Variants in NR5A2 observed in about 807,000 individuals in gnomAD.
The protein encoded by NR5A2 is CYP7A promoter-binding factor.
A neutral mutation model predicts 62.7 loss-of-function variants in NR5A2; 26 were observed. The observed-to-expected ratio is 0.41, with a 90% CI of 0.30 to 0.58. The LOEUF (loss-of-function observed/expected upper bound fraction) is 0.58. Ranked by LOEUF, NR5A2 falls within the 20% of genes least tolerant of loss-of-function variation. The pLI is 0.22. For missense variants in NR5A2, 541 were observed against 669.1 expected (o/e 0.81, Z 2.11); for synonymous variants, 246 against 241.7 (o/e 1.02, Z -0.16).
intron 5 of NR5A2, among the ~76,000 whole-genome samples, chr1:200,108,025 C>T (rs188872026): frequency 2.1e-3 from 314 of 151,926 alleles, no homozygotes; most frequent in African/African-American, 7.3e-3. Context: ...AGGACAGGAA[C>T]CATCAAATGC....
chr1:200,127,804 T>A (rs562557838), intron 7 of NR5A2, among the ~76,000 whole-genome samples: 1 of 145,348 alleles, frequency 6.9e-6, no homozygotes, highest in Non-Finnish European at 1.5e-5. Context: ...ACAGGGTAGA[T>A]GGCAGGACTT....
intron 6 of NR5A2, among the ~76,000 whole-genome samples, chr1:200,116,039 G>C (rs973875500): frequency 5.3e-5 from 8 of 152,002 alleles, no homozygotes; most frequent in Non-Finnish European, 1.0e-4. Flanking sequence ...CAACTGCCCT[G>C]TTGAGAAAAT....
At chr1:200,043,998 C>CT in intron 3 of NR5A2, 106 bp downstream of exon 3, 2 of 681,606 alleles carry the variant, frequency 2.9e-6, no homozygotes, top group East Asian at 5.4e-5. Flanking sequence ...AAAGACTCAA[C>CT]TAAAAATGAG....
At chr1:200,073,041 C>G (rs913529230) in intron 5 of NR5A2, among the ~76,000 whole-genome samples, 1 of 151,882 alleles carries the variant, frequency 6.6e-6, no homozygotes, top group Non-Finnish European at 1.5e-5. Context: ...TACTTCCTTA[C>G]GAAAATCAGC....
Position 200,039,724 on chromosome 1 carries a change from A to C in NR5A2, c.131A>C (p.Lys44Thr). 6.2e-7 allele frequency: 1 copy of C among 1,611,618 alleles called. No homozygotes were observed. Among genetic ancestry groups the C allele is most frequent in the Non-Finnish European group, 8.5e-7 (1 of 1,178,952 alleles). The change falls in exon 2 of 8, where the codon AAA becomes ACA. Residue 44 changes from lysine to threonine, a missense_variant. Physicochemically the swap from Lys to Thr is moderately conservative, Grantham distance 78 (BLOSUM62 -1). This residue lies in a region of NR5A2 where 108 missense variants were observed against 103.3 expected (regional missense o/e 1.05). Coordinates refer to ENST00000367362, the MANE Select transcript of NR5A2 (RefSeq NM_205860.3). The surrounding 1 kb of genome is among the most constrained non-coding windows in gnomAD (Gnocchi z 5.1). Reference sequence around the variant, plus strand: ...CGCGGTCGCCTTGTCATGCTGCCCAAAGTGGAGACGGAAGCCCTGGGACTG... The same window carrying C: ...CGCGGTCGCCTTGTCATGCTGCCCACAGTGGAGACGGAAGCCCTGGGACTG... Reference protein sequence around the residue: ...PARGRLVMLPKVETEALGLAR... With the variant: ...PARGRLVMLPTVETEALGLAR...
At chr1:200,162,133 T>A (rs1217312761) in intron 7 of NR5A2, among the ~76,000 whole-genome samples, 1 of 152,238 alleles carries the variant, frequency 6.6e-6, no homozygotes, top group African/African-American at 2.4e-5. Context: ...AGCTCCTCCT[T>A]TGTCCAGACA....
At chr1:200,052,849 C>T (rs1442500598) in intron 5 of NR5A2, among the ~76,000 whole-genome samples, 1 of 152,060 alleles carries the variant, frequency 6.6e-6, no homozygotes, top group Non-Finnish European at 1.5e-5. Context: ...ACCGTGTTAG[C>T]CAGGATGGTC....
intron 1 of NR5A2, among the ~76,000 whole-genome samples, chr1:200,032,607 T>A (rs1487528702): frequency 6.6e-6 from 1 of 152,184 alleles, no homozygotes; most frequent in Non-Finnish European, 1.5e-5. Flanking sequence ...ATTCCCTTTT[T>A]ACTTTCCTTA....
intron 5 of NR5A2, among the ~76,000 whole-genome samples, chr1:200,088,368 C>T (rs1283730061): frequency 6.6e-6 from 1 of 152,166 alleles, no homozygotes; most frequent in Non-Finnish European, 1.5e-5. Flanking sequence ...AGTGATTCTC[C>T]TGCCTCCGCC....
chr1:200,065,328 G>A (rs1247895694), intron 5 of NR5A2, among the ~76,000 whole-genome samples: 1 of 151,822 alleles, frequency 6.6e-6, no homozygotes, highest in African/African-American at 2.4e-5. Context: ...ATTTTTAGGA[G>A]AGACAGGGTT....
intron 5 of NR5A2, among the ~76,000 whole-genome samples, chr1:200,083,590 C>T (rs1461563886): frequency 6.6e-6 from 1 of 152,168 alleles, no homozygotes; most frequent in Non-Finnish European, 1.5e-5. Context: ...GCAATATGAA[C>T]TCTCCAGATT....
chr1:200,167,914 C>A (rs1176410562), intron 7 of NR5A2, among the ~76,000 whole-genome samples: 2 of 152,110 alleles, frequency 1.3e-5, no homozygotes, highest in Non-Finnish European at 2.9e-5. Context: ...TCTCTTGAAC[C>A]CTGTGTTAGC....
chr1:200,093,017 G>C (rs1664893634), intron 5 of NR5A2, among the ~76,000 whole-genome samples: 2 of 151,552 alleles, frequency 1.3e-5, no homozygotes, highest in Admixed American at 1.3e-4. Flanking sequence ...CTGAGTAGCT[G>C]GGATTACAGG....
intron 2 of NR5A2, chr1:200,042,756 A>C: frequency 2.5e-5 from 17 of 668,382 alleles, no homozygotes; most frequent in Non-Finnish European, 3.1e-5. Context: ...ACCTGTGTGG[A>C]TGTGGAGTCT....
intron 5 of NR5A2, among the ~76,000 whole-genome samples, chr1:200,106,754 T>G (rs1402256792): frequency 1.3e-5 from 2 of 152,180 alleles, no homozygotes; most frequent in South Asian, 2.1e-4. Context: ...CCCATAACTC[T>G]GTTTTTCTTA....
intron 2 of NR5A2, chr1:200,042,949 AATAGGGCGATC>A (rs753823151): frequency 3.5e-4 from 346 of 985,362 alleles, no homozygotes; most frequent in Non-Finnish European, 4.0e-4. Context: ...GTTTAACTTT[AATAGGGCGATC>A]TCGAGGTGTT....
In NR5A2 at chr1:200,177,121, G is replaced by A. The variant is rs973784017; in HGVS notation, c.*2911G>A. The A allele has an allele frequency of 2.0e-5, 3 of 152,502 alleles. No individual in the cohort carries two copies. Among genetic ancestry groups the A allele is most frequent in the Non-Finnish European group, 4.4e-5 (3 of 68,028 alleles). 9.4% of individuals were successfully genotyped at this position (152,502 alleles called of 1,614,324 possible). Reference sequence around the variant, plus strand: ...AACTGCCTTATCAATTACAGGATTTGCCGGTAAAAGCAGACTCAAATATAA... The same window carrying A: ...AACTGCCTTATCAATTACAGGATTTACCGGTAAAAGCAGACTCAAATATAA... On this transcript the variant is annotated 3_prime_UTR_variant, in exon 8 of 8. Transcript: ENST00000367362.
chr1:200,144,233 T>TCTCTCTCA (rs1446217306), intron 7 of NR5A2, among the ~76,000 whole-genome samples: 4 of 80,028 alleles, frequency 5.0e-5, no homozygotes, highest in African/African-American at 1.7e-4. Flanking sequence ...TCTCTCTCTC[T>TCTCTCTCA]CACACACACA....
chr1:200,149,406 G>T (rs1558169009), intron 7 of NR5A2, among the ~76,000 whole-genome samples: 1 of 152,180 alleles, frequency 6.6e-6, no homozygotes, highest in Non-Finnish European at 1.5e-5. Context: ...GTTATGCCTT[G>T]CCCTTCATGG....
Sources: allele counts gnomAD v4.1 joint callset (sites outside exome capture counted in the v4.1 genomes callset), GRCh38; gene constraint gnomAD v4.1.1; regional missense constraint gnomAD v4.1.1; non-coding constraint Gnocchi (gnomAD v3.1); transcripts MANE v1.5; gene names NCBI Gene and HGNC (gene_info 2026-07-23, HGNC 2026-07-21).